The following LINGO2 variants were observed in gnomAD, a reference collection of about 807,000 sequenced individuals.
LINGO2 encodes leucine-rich repeat and immunoglobulin-like domain-containing nogo receptor-interacting protein 2.
In LINGO2, 14 loss-of-function variants were observed where a neutral mutation model predicts 30.6. The ratio of observed to expected loss-of-function variants is 0.46; its 90% CI spans 0.30 to 0.72. The LOEUF (loss-of-function observed/expected upper bound fraction) is 0.72, where lower values mean the gene tolerates loss of function less well. Ranked by LOEUF, LINGO2 falls within the 30% of genes least tolerant of loss-of-function variation. The pLI, the probability that LINGO2 is intolerant of heterozygous loss-of-function variation, is 0.07. For synonymous variants in LINGO2, 317 were observed against 288.5 expected (o/e 1.10, Z -1.00); for missense variants, 729 against 751.7 (o/e 0.97, Z 0.35).
At chr9:28,552,521 C>T (rs781266459) in intron 1 of LINGO2, among the ~76,000 whole-genome samples, 2 of 151,916 alleles carry the variant, frequency 1.3e-5, no homozygotes, top group Non-Finnish European at 2.9e-5. Context: ...ATCCAGGGTA[C>T]TGACTTTTCA....
chr9:28,593,390 A>C (rs1825016861), intron 1 of LINGO2, among the ~76,000 whole-genome samples: 1 of 152,000 alleles, frequency 6.6e-6, no homozygotes, highest in African/African-American at 2.4e-5. Flanking sequence ...GTAGTAGATA[A>C]TTTTTGACGT....
intron 5 of LINGO2, among the ~76,000 whole-genome samples, chr9:27,985,412 ATTCAG>A (rs1821079263): frequency 6.6e-6 from 1 of 151,926 alleles, no homozygotes; most frequent in African/African-American, 2.4e-5. Context: ...TTGTTTTCAT[ATTCAG>A]TTAAGACATT....
intron 1 of LINGO2, among the ~76,000 whole-genome samples, chr9:28,520,253 GAGTACTTCTAAAATTT>G (rs1353167452): frequency 2.0e-5 from 3 of 152,046 alleles, no homozygotes; most frequent in Admixed American, 2.0e-4. Context: ...TTGACTTTAA[GAGTACTTCTAAAATTT>G]TATTATGAAT....
intron 4 of LINGO2, among the ~76,000 whole-genome samples, chr9:28,028,854 A>G (rs1277804418): frequency 1.3e-5 from 2 of 152,142 alleles, no homozygotes; most frequent in Non-Finnish European, 2.9e-5. Context: ...CATATATATA[A>G]GTATACAGAC....
At chr9:28,815,250 T>C in the LINGO2 span, among the ~76,000 whole-genome samples, 1 of 152,172 alleles carries the variant, frequency 6.6e-6, no homozygotes, top group Admixed American at 6.5e-5. Context: ...AAGGAGCAAA[T>C]GAGAAATAAT....
the LINGO2 span, among the ~76,000 whole-genome samples, chr9:28,827,484 G>A: frequency 6.6e-6 from 1 of 152,028 alleles, no homozygotes; most frequent in African/African-American, 2.4e-5. Context: ...TTTAAAATGG[G>A]TATAATTGTA....
At chr9:28,690,853 A>G in the LINGO2 span, among the ~76,000 whole-genome samples, 6 of 152,194 alleles carry the variant, frequency 3.9e-5, no homozygotes, top group African/African-American at 1.4e-4. Context: ...TTCCATTTGC[A>G]TATGTACAGA....
chr9:28,300,678 C>G (rs1403061759), intron 3 of LINGO2, among the ~76,000 whole-genome samples: 1 of 151,990 alleles, frequency 6.6e-6, no homozygotes, highest in Non-Finnish European at 1.5e-5. Flanking sequence ...TCCTCCCTTC[C>G]ATCCTTCTTT....
chr9:28,580,519 T>G (rs1824208678), intron 1 of LINGO2, among the ~76,000 whole-genome samples: 1 of 151,822 alleles, frequency 6.6e-6, no homozygotes. Flanking sequence ...ATCATGCTGA[T>G]TAATCTATTT....
At chr9:28,633,363 T>C (rs963177178) in intron 1 of LINGO2, among the ~76,000 whole-genome samples, 2 of 152,044 alleles carry the variant, frequency 1.3e-5, no homozygotes, top group Admixed American at 1.3e-4. Flanking sequence ...AAATGAAAGG[T>C]GAAACCGAGA....
intron 5 of LINGO2, among the ~76,000 whole-genome samples, chr9:27,973,757 G>T (rs1433743494): frequency 1.3e-5 from 2 of 152,060 alleles, no homozygotes; most frequent in African/African-American, 4.8e-5. Flanking sequence ...TATTGCCATT[G>T]CGAGAAAAAA....
chr9:28,863,683 C>G, the LINGO2 span: 1 of 531,528 alleles, frequency 1.9e-6, no homozygotes, highest in Non-Finnish European at 3.9e-6. Flanking sequence ...TATGGTGATT[C>G]ACAAAGAAAT....
intron 4 of LINGO2, among the ~76,000 whole-genome samples, chr9:28,171,871 A>G (rs926628907): frequency 6.6e-6 from 1 of 150,690 alleles, no homozygotes; most frequent in African/African-American, 2.4e-5. Flanking sequence ...AACCAAAAAA[A>G]TTTAGCCAGG....
In LINGO2 at chr9:28,538,040, G is replaced by A. The variant is rs769645221; in HGVS notation, c.-364-62015C>T. Among the ~76,000 whole-genome samples, 5 of 151,976 alleles carry A rather than the reference G, an allele frequency of 3.3e-5. No homozygotes were observed. In the East Asian group the frequency reaches 9.7e-4, roughly 29 times the overall value. On this transcript the variant is annotated intron_variant, in intron 1 of 5. Coordinates refer to ENST00000379992, the Ensembl canonical transcript of LINGO2. ...AAGACAGTGAAAAAATAGATTTTAA[G>A]TATTAAGAGAAAATATCTGTCAACT... is the stretch of plus-strand genomic sequence containing the variant.
intron 2 of LINGO2, among the ~76,000 whole-genome samples, chr9:28,430,661 C>T (rs1376779956): frequency 2.0e-5 from 3 of 152,146 alleles, no homozygotes; most frequent in Non-Finnish European, 4.4e-5. Flanking sequence ...GGGTTGCTTA[C>T]ACTCAATGTC....
intron 2 of LINGO2, among the ~76,000 whole-genome samples, chr9:28,469,895 A>T (rs956588664): frequency 1.3e-5 from 2 of 152,204 alleles, no homozygotes. Context: ...GAAGTTCTCC[A>T]GTAAAAATGA....
intron 4 of LINGO2, among the ~76,000 whole-genome samples, chr9:28,248,128 T>A (rs1822067787): frequency 6.6e-6 from 1 of 152,126 alleles, no homozygotes; most frequent in African/African-American, 2.4e-5. Context: ...AGAAAGGAAA[T>A]CAGTATATCA....
chr9:29,164,975 C>A, the LINGO2 span, among the ~76,000 whole-genome samples: 846 of 152,110 alleles, frequency 5.6e-3, 3 homozygotes, highest in Non-Finnish European at 9.3e-3. Context: ...TCTAATTCAG[C>A]CTCTTAGATT....
At chr9:28,391,604 C>CGTGTGTGTGTGTGTGT (rs35676869) in intron 2 of LINGO2, among the ~76,000 whole-genome samples, 4 of 147,732 alleles carry the variant, frequency 2.7e-5, no homozygotes, top group African/African-American at 1.0e-4. Context: ...TTTATGTTTG[C>CGTGTGTGTGTGTGTGT]GTGTGTGTGT....
Sources: allele counts gnomAD v4.1 joint callset (sites outside exome capture counted in the v4.1 genomes callset), GRCh38; gene constraint gnomAD v4.1.1; transcripts MANE v1.5; gene names NCBI Gene and HGNC (gene_info 2026-07-23, HGNC 2026-07-21).